Variants in DLG2 observed in about 807,000 individuals in gnomAD.
DLG2 encodes the protein disks large homolog 2.
DLG2 carries 45 observed loss-of-function variants against 132.5 expected under a neutral mutation model. The ratio of observed to expected loss-of-function variants is 0.34; its 90% CI spans 0.27 to 0.44. The LOEUF is 0.44. DLG2 is among the 20% of genes least tolerant of loss of function. The pLI, the probability that DLG2 is intolerant of heterozygous loss-of-function variation, is 1.00. For missense variants in DLG2, 1,045 were observed against 1,196.9 expected (o/e 0.87, Z 1.87); for synonymous variants, 424 against 419.6 (o/e 1.01, Z -0.13).
intron 10 of DLG2, among the ~76,000 whole-genome samples, chr11:84,072,212 C>A (rs1452629114): frequency 1.3e-5 from 2 of 152,208 alleles, no homozygotes; most frequent in African/African-American, 4.8e-5. Context: ...ACATAACACC[C>A]AAGTCTTTCC....
intron 3 of DLG2, among the ~76,000 whole-genome samples, chr11:85,335,670 C>T (rs560398126): frequency 1.3e-5 from 2 of 152,154 alleles, no homozygotes; most frequent in South Asian, 4.1e-4. Context: ...GCTTATGAAG[C>T]TTAGTTTGGC....
intron 19 of DLG2, among the ~76,000 whole-genome samples, chr11:83,558,250 C>T (rs569326421): frequency 1.3e-5 from 2 of 152,306 alleles, no homozygotes; most frequent in Admixed American, 6.5e-5. Flanking sequence ...ACATTTAATA[C>T]ATCTTCTTAT....
intron 6 of DLG2, among the ~76,000 whole-genome samples, chr11:84,864,950 A>G (rs2084319043): frequency 6.6e-6 from 1 of 152,166 alleles, no homozygotes; most frequent in Admixed American, 6.5e-5. Flanking sequence ...TGAATTATTT[A>G]TAATTCTTGG....
chr11:85,022,114 G>A (rs954636445), intron 6 of DLG2, among the ~76,000 whole-genome samples: 1 of 151,928 alleles, frequency 6.6e-6, no homozygotes, highest in Admixed American at 6.6e-5. Flanking sequence ...ATATTTATGG[G>A]ACACTTTCAA....
Position 84,795,311 on chromosome 11 carries a change from A to G in DLG2, c.358-260580T>C, listed in dbSNP as rs1227813029. On this transcript the variant is annotated intron_variant, in intron 6 of 27. Coordinates refer to ENST00000376104, the MANE Select transcript of DLG2 (RefSeq NM_001142699.3). ...CAAGGTGAGTCTCTTCTCTGCTGGG[A>G]GCTGAACAGATGCCAGGACAACCTA... is the stretch of plus-strand genomic sequence containing the variant. Among the ~76,000 whole-genome samples the G allele has an allele frequency of 2.0e-5, 3 of 151,526 alleles. No homozygotes were observed. In the East Asian group the frequency reaches 5.9e-4, roughly 30 times the overall value.
intron 2 of DLG2, among the ~76,000 whole-genome samples, chr11:85,625,443 A>G (rs1045794790): frequency 2.0e-5 from 3 of 152,168 alleles, no homozygotes; most frequent in Non-Finnish European, 2.9e-5. Flanking sequence ...CAGCAGGGGG[A>G]GGAAACAATC....
intron 7 of DLG2, 26 bp from the exon 8 acceptor site, chr11:84,251,317 TA>T: frequency 6.7e-7 from 1 of 1,498,436 alleles, no homozygotes; most frequent in Non-Finnish European, 9.1e-7. Context: ...GAAAAAAAAT[TA>T]AATAATGAAT....
At chr11:84,033,343 C>G (rs2095763297) in intron 11 of DLG2, among the ~76,000 whole-genome samples, 1 of 152,094 alleles carries the variant, frequency 6.6e-6, no homozygotes, top group East Asian at 1.9e-4. Context: ...TTGAAGAATT[C>G]AAGACTTTGG....
At chr11:84,843,317 C>T (rs1035398950) in intron 6 of DLG2, among the ~76,000 whole-genome samples, 8 of 151,194 alleles carry the variant, frequency 5.3e-5, no homozygotes, top group African/African-American at 4.9e-5. Flanking sequence ...GCAAGGGATT[C>T]GGTACTGGAT....
At chr11:83,612,187 T>C (rs2060214455) in intron 19 of DLG2, among the ~76,000 whole-genome samples, 1 of 152,206 alleles carries the variant, frequency 6.6e-6, no homozygotes, top group Non-Finnish European at 1.5e-5. Context: ...GGCTAGGTGC[T>C]TTACTTGCAT....
chr11:85,209,869 T>C (rs1388822890), intron 4 of DLG2, among the ~76,000 whole-genome samples: 1 of 152,180 alleles, frequency 6.6e-6, no homozygotes, highest in East Asian at 1.9e-4. Flanking sequence ...GCCTCCTTGC[T>C]GGTCCTCTGT....
At chr11:85,100,109 T>G (rs1237598298) in intron 6 of DLG2, among the ~76,000 whole-genome samples, 2 of 152,162 alleles carry the variant, frequency 1.3e-5, no homozygotes, top group African/African-American at 4.8e-5. Flanking sequence ...TTAAGTAAAT[T>G]AACTCATATA....
chr11:83,916,198 C>T (rs564844627), intron 15 of DLG2, among the ~76,000 whole-genome samples: 2 of 152,208 alleles, frequency 1.3e-5, no homozygotes, highest in East Asian at 1.9e-4. Context: ...ATGAACAATG[C>T]TGCTATGAAC....
At chr11:85,424,016 C>G (rs2090522834) in intron 3 of DLG2, among the ~76,000 whole-genome samples, 1 of 152,200 alleles carries the variant, frequency 6.6e-6, no homozygotes, top group African/African-American at 2.4e-5. Context: ...TCCCCATGGC[C>G]TTTTCCCAGT....
chr11:84,008,819 A>G (rs2094714146), intron 11 of DLG2, among the ~76,000 whole-genome samples: 1 of 151,840 alleles, frequency 6.6e-6, no homozygotes, highest in South Asian at 2.1e-4. Flanking sequence ...ATAGGGGACC[A>G]TTCAAATAAG....
At chr11:84,062,596 T>A (rs2096608232) in intron 10 of DLG2, among the ~76,000 whole-genome samples, 1 of 152,210 alleles carries the variant, frequency 6.6e-6, no homozygotes, top group Non-Finnish European at 1.5e-5. Flanking sequence ...AAAGTATGGA[T>A]CCCATTTTAA....
At chr11:83,969,540 T>C (rs58007057) in intron 12 of DLG2, among the ~76,000 whole-genome samples, 1,535 of 152,292 alleles carry the variant, frequency 0.01, 26 homozygotes, top group African/African-American at 0.035. Flanking sequence ...TTTAGGGCCA[T>C]TACCACTTGT....
intron 11 of DLG2, among the ~76,000 whole-genome samples, chr11:84,043,374 G>T (rs1043503723): frequency 1.1e-4 from 17 of 151,378 alleles, no homozygotes; most frequent in African/African-American, 4.1e-4. Flanking sequence ...TATGTTTTTT[G>T]GATTTTTAAT....
intron 6 of DLG2, among the ~76,000 whole-genome samples, chr11:84,540,255 A>G (rs2099364953): frequency 6.6e-6 from 1 of 152,072 alleles, no homozygotes; most frequent in Non-Finnish European, 1.5e-5. Flanking sequence ...TGAACAGGCA[A>G]CCTACAGAAT....
Sources: gnomAD v4.1 joint callset for allele counts (sites outside exome capture counted in the v4.1 genomes callset) on GRCh38, gnomAD v4.1.1 for gene constraint, MANE v1.5 for transcripts, NCBI Gene and HGNC (gene_info 2026-07-23, HGNC 2026-07-21) for gene names.